ELK4: variants seen among roughly 807,000 people sequenced by gnomAD.
ELK4 encodes ETS domain-containing protein Elk-4.
A neutral mutation model predicts 29.6 loss-of-function variants in ELK4; 16 were observed. The observed-to-expected ratio is 0.54, with a 90% confidence interval of 0.37 to 0.82. ELK4 has a LOEUF of 0.82. ELK4 is among the 40% of genes least tolerant of loss of function. ELK4 has a pLI of 0.00. For missense variants in ELK4, 465 were observed against 507.1 expected (o/e 0.92, Z 0.80); for synonymous variants, 213 against 191.1 (o/e 1.11, Z -0.95).
At chr1:205,625,036 AAAAAC>A (rs1339451748) in intron 1 of ELK4, among the ~76,000 whole-genome samples, 1 of 152,220 alleles carries the variant, frequency 6.6e-6, no homozygotes, top group African/African-American at 2.4e-5. Context: ...ACACACAAAA[AAAAAC>A]AAAAACAAAA....
At chr1:205,617,101 C>G (rs983015510) in intron 4 of ELK4, among the ~76,000 whole-genome samples, 8 of 152,296 alleles carry the variant, frequency 5.3e-5, no homozygotes, top group African/African-American at 1.7e-4. Flanking sequence ...GCCAGCTCTA[C>G]AGGGAGATTC....
In ELK4 at chr1:205,610,077, C is replaced by G. The variant is rs1010493873; in HGVS notation, c.*6469G>C. On this transcript the variant is annotated 3_prime_UTR_variant, in exon 5 of 5. Coordinates refer to ENST00000357992, the MANE Select transcript of ELK4 (RefSeq NM_001973.4). Reference sequence around the variant, plus strand: ...CCAAGAAAGTGCCAAGTGATTAACACCAATATATGGCATTCCCACCCCTGA... The same window carrying G: ...CCAAGAAAGTGCCAAGTGATTAACAGCAATATATGGCATTCCCACCCCTGA... The G allele has an allele frequency of 8.6e-6, 2 of 232,076 alleles. No homozygotes were observed. The highest frequency in any genetic ancestry group is 1.7e-5 in the Non-Finnish European group (2 of 117,322). The allele number at this position is 232,076 out of a possible 1,614,324, so 14.4% of individuals were successfully genotyped here.
At chr1:205,627,644 C>A (rs938165053) in intron 1 of ELK4, among the ~76,000 whole-genome samples, 5 of 151,926 alleles carry the variant, frequency 3.3e-5, no homozygotes, top group Admixed American at 6.6e-5. Flanking sequence ...TTAAAACAAA[C>A]AACACAACAA....
rs758131235 is a variant in ELK4, at chr1:205,623,875, C to T, written c.8G>A (p.Ser3Asn). ...AAGGAACTGCCACAGGGTGATAGCA[C>T]TGTCCATAGCAATGAGCTGAAAGAA... Reference protein sequence around the residue: MDSAITLWQFLLQ... With the variant: MDNAITLWQFLLQ... Residue 3 changes from serine (S) to asparagine (N), a missense_variant, in exon 2 of 5, where the codon AGT (serine) becomes AAT (asparagine). Ser to Asn is a conservative substitution (Grantham distance 46). This residue lies in a region of ELK4 where 385 missense variants were observed against 387.5 expected (regional missense o/e 0.99). Coordinates refer to ENST00000357992, the MANE Select transcript of ELK4 (RefSeq NM_001973.4). 6.2e-7 allele frequency: 1 copy of T among 1,614,130 alleles called. No individual in the cohort carries two copies. The highest frequency in any genetic ancestry group is 8.5e-7 in the Non-Finnish European group (1 of 1,179,996).
chr1:205,616,449 T>C lies in ELK4; in HGVS notation c.*97A>G, dbSNP rs1670233033. 1 of 1,103,024 alleles carries C rather than the reference T, an allele frequency of 9.1e-7. No homozygotes were observed. The highest frequency in any genetic ancestry group is 1.3e-6 in the Non-Finnish European group (1 of 742,556). 68.3% of individuals were successfully genotyped at this position (1,103,024 alleles called of 1,614,324 possible). ...TGGCAAAAATCACAATAGTCTATTATCAGCATTGTAGAACTATCAATTGCT... is the reference window on the plus strand; with the variant it reads ...TGGCAAAAATCACAATAGTCTATTACCAGCATTGTAGAACTATCAATTGCT... On this transcript the variant is annotated 3_prime_UTR_variant, in exon 5 of 5. Coordinates refer to ENST00000357992, the MANE Select transcript of ELK4 (RefSeq NM_001973.4).
In ELK4 at chr1:205,616,490, C is replaced by T. The variant is rs1670233335; in HGVS notation, c.*56G>A. 6.7e-7 allele frequency: 1 copy of T among 1,484,214 alleles called. No individual in the cohort carries two copies. The highest frequency in any genetic ancestry group is 1.4e-5 in the African/African-American group (1 of 72,410). The allele number at this position is 1,484,214 out of a possible 1,614,324, so 91.9% of individuals were successfully genotyped here. On this transcript the variant is annotated 3_prime_UTR_variant, in exon 5 of 5. Coordinates refer to ENST00000357992, the MANE Select transcript of ELK4 (RefSeq NM_001973.4). ...ATCAATTGCTCACTTCAAATGCAATCATGTTGAATGTCTGTTTCTTCGTTC... is the reference window on the plus strand; with the variant it reads ...ATCAATTGCTCACTTCAAATGCAATTATGTTGAATGTCTGTTTCTTCGTTC...
intron 1 of ELK4, among the ~76,000 whole-genome samples, chr1:205,626,842 T>G (rs1467702284): frequency 6.6e-6 from 1 of 152,068 alleles, no homozygotes; most frequent in African/African-American, 2.4e-5. Context: ...ATACAAAAAC[T>G]TACACAGGAC....
intron 4 of ELK4, among the ~76,000 whole-genome samples, 184 bp from the exon 5 acceptor site, chr1:205,616,828 G>T (rs916911857): frequency 1.3e-5 from 2 of 152,160 alleles, no homozygotes; most frequent in African/African-American, 4.8e-5. Context: ...AAAATCTTTT[G>T]TCCTAACATA....
In ELK4 at chr1:205,614,001, G is replaced by C. The variant is rs893135899; in HGVS notation, c.*2545C>G. On this transcript the variant is annotated 3_prime_UTR_variant, in exon 5 of 5. Transcript: ENST00000357992. ...CCAGGAAGGAGGTAGTCTATAAACA[G>C]AACTGTCTGCCTCATACACCTGCAG... The C allele has an allele frequency of 1.8e-5, 4 of 224,300 alleles. No individual in the cohort carries two copies. Among genetic ancestry groups the C allele is most frequent in the African/African-American group, 2.2e-5 (1 of 44,822 alleles). 13.9% of individuals were successfully genotyped at this position (224,300 alleles called of 1,614,324 possible). A position where few individuals can be genotyped will look rare whatever the true frequency, so the allele number is the denominator to read the frequency against.
chr1:205,625,810 C>G lies in ELK4; in HGVS notation c.-9-1919G>C, dbSNP rs529990247. On this transcript the variant is annotated intron_variant, in intron 1 of 4. Transcript: ENST00000357992. The stretch of plus-strand genomic sequence containing the variant: ...TCTCCTGTCTCAGCCTCCCGAGTAG[C>G]TGGGATTATAGGTGCATGCCACCAC... 5.2e-4 allele frequency: 320 copies of G among 614,276 alleles called. 2 individuals carry two copies. The African/African-American group carries it at 5.4e-3, about 10-fold the overall frequency. The allele number at this position is 614,276 out of a possible 1,614,324, so 38.1% of individuals were successfully genotyped here.
chr1:205,616,768 G>GT (rs1424290425), intron 4 of ELK4, 124 bp from the exon 5 acceptor site: 6 of 679,156 alleles, frequency 8.8e-6, no homozygotes, highest in Non-Finnish European at 1.4e-5. Flanking sequence ...GACAAAGGCA[G>GT]TGGCTGTTTA....
chr1:205,617,819 TGAACCCA>T (rs1670259104), intron 4 of ELK4, among the ~76,000 whole-genome samples: 1 of 152,042 alleles, frequency 6.6e-6, no homozygotes, highest in South Asian at 2.1e-4. Flanking sequence ...GAGAACCGCT[TGAACCCA>T]GGAGGCAGAG....
rs978455307 is a variant in ELK4 at position 205,618,946 on chromosome 1, T to C, written c.1197+11A>G. 7 of 1,592,556 alleles carry C rather than the reference T, an allele frequency of 4.4e-6. No individual in the cohort carries two copies. The highest frequency in any genetic ancestry group is 6.0e-6 in the Non-Finnish European group (7 of 1,165,148). ...GCTCCAACTACAGAAGACAGATATTTATAAAATTACCTGGAAAAGTGTGTT... is the reference window on the plus strand; with the variant it reads ...GCTCCAACTACAGAAGACAGATATTCATAAAATTACCTGGAAAAGTGTGTT... On this transcript the variant is annotated intron_variant, in intron 4 of 4. Transcript: ENST00000357992.
intron 1 of ELK4, among the ~76,000 whole-genome samples, chr1:205,627,644 C>T (rs938165053): frequency 6.6e-6 from 1 of 151,926 alleles, no homozygotes; most frequent in Admixed American, 6.6e-5. Context: ...TTAAAACAAA[C>T]AACACAACAA....
Position 205,631,752 on chromosome 1 carries a change from G to A in ELK4, c.-130C>T, listed in dbSNP as rs933301998. On this transcript the variant is annotated 5_prime_UTR_variant, in exon 1 of 5. Coordinates refer to ENST00000357992, the MANE Select transcript of ELK4 (RefSeq NM_001973.4). ...GCGCGGCAGCCGCTGCGACCCCCGC[G>A]GCGGAGCCGTAGAAGGCGGCGGCGG... is the stretch of plus-strand genomic sequence containing the variant. 1.0e-5 allele frequency: 3 copies of A among 296,364 alleles called. No homozygotes were observed. The highest frequency in any genetic ancestry group is 1.4e-5 in the Non-Finnish European group (2 of 140,458). 18.4% of individuals were successfully genotyped at this position (296,364 alleles called of 1,614,324 possible). A position where few individuals can be genotyped will look rare whatever the true frequency, so the allele number is the denominator to read the frequency against.
rs1670307798 is a variant in ELK4, at chr1:205,620,215, G to A, written c.831C>T (p.Asp277=). 1 of 1,614,228 alleles carries A rather than the reference G, an allele frequency of 6.2e-7. No homozygotes were observed. Among genetic ancestry groups the A allele is most frequent in the Non-Finnish European group, 8.5e-7 (1 of 1,180,046 alleles). ...TPSPPLSSHP[D]IDTDIDSVAS... ...CCACTGAATCAATGTCTGTGTCGAT[G>A]TCTGGGTGAGAACTCAGTGGTGGTG... Residue 277 remains aspartate (D), a synonymous_variant, in exon 3 of 5, where the codon GAC becomes GAT. Coordinates refer to ENST00000357992, the MANE Select transcript of ELK4 (RefSeq NM_001973.4).
Position 205,614,109 on chromosome 1 carries a change from A to C in ELK4, c.*2437T>G, listed in dbSNP as rs954734292. On this transcript the variant is annotated 3_prime_UTR_variant, in exon 5 of 5. Coordinates refer to ENST00000357992, the MANE Select transcript of ELK4 (RefSeq NM_001973.4). ...GTTGATCTCAAAGAGATAGCAGATC[A>C]CCAATCTGTGACAGCCTCACACCTC... 6.7e-5 allele frequency: 15 copies of C among 223,390 alleles called. No homozygotes were observed. The highest frequency in any genetic ancestry group is 1.7e-4 in the Admixed American group (3 of 17,404). 13.8% of individuals were successfully genotyped at this position (223,390 alleles called of 1,614,324 possible).
chr1:205,618,953 T>C lies in ELK4; in HGVS notation c.1197+4A>G. The stretch of plus-strand genomic sequence containing the variant: ...CTACAGAAGACAGATATTTATAAAA[T>C]TACCTGGAAAAGTGTGTTAGCACCT... On this transcript the variant is annotated splice_donor_region_variant and intron_variant, in intron 4 of 4. Transcript: ENST00000357992. The C allele has an allele frequency of 6.3e-7, 1 of 1,595,150 alleles. No individual in the cohort carries two copies. The highest frequency in any genetic ancestry group is 1.1e-5 in the South Asian group (1 of 88,364).
At chr1:205,629,097 A>G (rs12023128) in intron 1 of ELK4, among the ~76,000 whole-genome samples, 23,554 of 147,226 alleles carry the variant, frequency 0.16, 2,166 homozygotes, top group East Asian at 0.37. Flanking sequence ...CGTGAACCCG[A>G]GAGGCGGAGC....
Sources: gnomAD v4.1 joint callset for allele counts (sites outside exome capture counted in the v4.1 genomes callset) on GRCh38, gnomAD v4.1.1 for gene constraint, gnomAD v4.1.1 regional missense constraint, MANE v1.5 for transcripts, NCBI Gene and HGNC (gene_info 2026-07-23, HGNC 2026-07-21) for gene names.